The following SLC24A2 variants were observed in gnomAD, a reference collection of about 807,000 sequenced individuals.
The protein encoded by SLC24A2 is sodium/potassium/calcium exchanger 2.
A neutral mutation model predicts 62.0 loss-of-function variants in SLC24A2; 36 were observed. The observed-to-expected ratio is 0.58, with a 90% confidence interval of 0.44 to 0.77. The LOEUF is 0.77. Among genes scored for constraint, SLC24A2 ranks in the 30% least tolerant of loss-of-function variants. The probability of loss-of-function intolerance (pLI) is 0.00; values close to 1 mark genes in which losing one functional copy is unlikely to be tolerated. For missense variants in SLC24A2, 846 were observed against 817.9 expected (o/e 1.03, Z -0.42); for synonymous variants, 358 against 294.0 (o/e 1.22, Z -2.23).
At chr9:20,220,053 G>T in the SLC24A2 span, among the ~76,000 whole-genome samples, 1 of 152,026 alleles carries the variant, frequency 6.6e-6, no homozygotes, top group Non-Finnish European at 1.5e-5. Context: ...TTTTACTGAA[G>T]AAATAGTTCA....
rs753977010 is a variant in SLC24A2 at position 19,653,830 on chromosome 9, C to T, written c.931-31531G>A. On this transcript the variant is annotated intron_variant, in intron 2 of 10. Transcript: ENST00000341998. ...ATCTCCCTTATACCCTGTATCCAGT[C>T]TCACCTGCTGGCCCTCAAAGTTGCA... Among the ~76,000 whole-genome samples, 23 of 152,180 alleles carry T rather than the reference C, an allele frequency of 1.5e-4. 1 individual carries two copies. The highest frequency in any genetic ancestry group is 1.3e-4 in the Admixed American group (2 of 15,278).
the SLC24A2 span, among the ~76,000 whole-genome samples, chr9:19,982,959 C>A: frequency 6.6e-6 from 1 of 152,132 alleles, no homozygotes; most frequent in Non-Finnish European, 1.5e-5. Context: ...CAAAATCCAA[C>A]ATTCTTTCAT....
chr9:20,012,990 T>C, the SLC24A2 span, among the ~76,000 whole-genome samples: 902 of 152,274 alleles, frequency 5.9e-3, 13 homozygotes, highest in African/African-American at 0.021. Context: ...CAAAGTTGTC[T>C]ATAAGTTTAA....
the SLC24A2 span, among the ~76,000 whole-genome samples, chr9:20,050,851 G>A: frequency 1.3e-5 from 2 of 152,224 alleles, no homozygotes; most frequent in South Asian, 4.1e-4. Context: ...TTGTAATGAT[G>A]TCACGATTGG....
chr9:19,756,633 A>G (rs972263630), intron 2 of SLC24A2, among the ~76,000 whole-genome samples: 4 of 152,198 alleles, frequency 2.6e-5, no homozygotes, highest in African/African-American at 9.6e-5. Flanking sequence ...TTATGTGACA[A>G]CTAATTCACC....
chr9:19,558,837 C>A (rs1835243655), intron 7 of SLC24A2, among the ~76,000 whole-genome samples: 1 of 152,096 alleles, frequency 6.6e-6, no homozygotes, highest in Non-Finnish European at 1.5e-5. Context: ...TTTATTTTTC[C>A]AATTAGGTTT....
intron 7 of SLC24A2, among the ~76,000 whole-genome samples, chr9:19,553,780 A>G (rs1834953423): frequency 2.6e-5 from 4 of 152,210 alleles, no homozygotes; most frequent in Admixed American, 1.3e-4. Context: ...GCTTTCAAGG[A>G]GTCTTGGATT....
intron 8 of SLC24A2, among the ~76,000 whole-genome samples, chr9:19,542,260 A>G (rs1169580611): frequency 6.6e-6 from 1 of 152,150 alleles, no homozygotes; most frequent in Non-Finnish European, 1.5e-5. Flanking sequence ...ATTGGTGTAT[A>G]TGAATGCTTG....
chr9:20,170,548 A>C, the SLC24A2 span, among the ~76,000 whole-genome samples: 2 of 151,824 alleles, frequency 1.3e-5, no homozygotes, highest in South Asian at 4.2e-4. Flanking sequence ...GTTTTGGGGG[A>C]AAAATGGGTG....
the SLC24A2 span, among the ~76,000 whole-genome samples, chr9:20,288,202 C>T: frequency 6.6e-6 from 1 of 152,148 alleles, no homozygotes; most frequent in Non-Finnish European, 1.5e-5. Flanking sequence ...GGGGAGTATA[C>T]ATTAGTACAT....
the SLC24A2 span, among the ~76,000 whole-genome samples, chr9:20,237,498 A>G: frequency 6.6e-6 from 1 of 152,174 alleles, no homozygotes; most frequent in African/African-American, 2.4e-5. Context: ...AGGGATTGCT[A>G]GGGAAAGAAG....
chr9:19,834,698 A>C, the SLC24A2 span, among the ~76,000 whole-genome samples: 645 of 152,310 alleles, frequency 4.2e-3, 4 homozygotes, highest in African/African-American at 0.015. Context: ...AGGCAGGCCA[A>C]CATTCACATT....
In SLC24A2 at chr9:19,788,424, C is replaced by T. The variant is rs1818728000; in HGVS notation, c.-154+461G>A. On this transcript the variant is annotated intron_variant, in intron 1 of 10. Coordinates refer to ENST00000341998, the MANE Select transcript of SLC24A2 (RefSeq NM_020344.4). ...CCGCTCGTCTCCCCGGGAGCTGCCTCCGTAGGAGAATGTTCGCCCCCAGCC... is the reference window on the plus strand; with the variant it reads ...CCGCTCGTCTCCCCGGGAGCTGCCTTCGTAGGAGAATGTTCGCCCCCAGCC... 7.3e-6 allele frequency: 6 copies of T among 820,074 alleles called. No homozygotes were observed. The South Asian group carries it at 2.8e-4, about 38-fold the overall frequency. 50.8% of individuals were successfully genotyped at this position (820,074 alleles called of 1,614,324 possible).
At chr9:19,527,789 C>G (rs571506839) in intron 9 of SLC24A2, among the ~76,000 whole-genome samples, 1 of 152,262 alleles carries the variant, frequency 6.6e-6, no homozygotes, top group Non-Finnish European at 1.5e-5. Flanking sequence ...TGGTGTCTGT[C>G]AGGCTGCAGA....
At chr9:19,982,185 T>C in the SLC24A2 span, among the ~76,000 whole-genome samples, 118,285 of 152,032 alleles carry the variant, frequency 0.78, 46,356 homozygotes, top group Non-Finnish European at 0.82. Flanking sequence ...ATGGGTTTCA[T>C]GTAAAAGAAA....
At chr9:19,715,437 G>A (rs1820830557) in intron 2 of SLC24A2, among the ~76,000 whole-genome samples, 1 of 152,142 alleles carries the variant, frequency 6.6e-6, no homozygotes, top group South Asian at 2.1e-4. Context: ...TTCCCTGAAG[G>A]TACAAAAAAA....
the SLC24A2 span, among the ~76,000 whole-genome samples, chr9:20,207,935 A>C: frequency 6.6e-6 from 1 of 152,220 alleles, no homozygotes; most frequent in Non-Finnish European, 1.5e-5. Flanking sequence ...GAGGAGAAGC[A>C]CATTCCTTCA....
the SLC24A2 span, among the ~76,000 whole-genome samples, chr9:20,200,340 G>T: frequency 0.011 from 1,707 of 152,242 alleles, 32 homozygotes; most frequent in African/African-American, 0.039. Context: ...TACCTTGCCA[G>T]GTGGGTCAGT....
At chr9:20,174,505 C>T in the SLC24A2 span, among the ~76,000 whole-genome samples, 1 of 138,268 alleles carries the variant, frequency 7.2e-6, no homozygotes, top group Non-Finnish European at 1.5e-5. Flanking sequence ...AACAAATTAG[C>T]AAGAAAAAAA....
Sources: gnomAD v4.1 joint callset for allele counts (sites outside exome capture counted in the v4.1 genomes callset) on GRCh38, gnomAD v4.1.1 for gene constraint, MANE v1.5 for transcripts, NCBI Gene and HGNC (gene_info 2026-07-23, HGNC 2026-07-21) for gene names.